The following RET variants were observed in gnomAD, a reference collection of about 807,000 sequenced individuals.
The protein encoded by RET is ret proto-oncogene, also known as proto-oncogene tyrosine-protein kinase receptor Ret.
A neutral mutation model predicts 118.3 loss-of-function variants in RET; 19 were observed. The observed-to-expected ratio is 0.16, with a 90% CI of 0.11 to 0.24. RET has a LOEUF of 0.24. Among genes scored for constraint, RET ranks in the 10% least tolerant of loss-of-function variants. RET has a pLI of 1.00. For missense variants in RET, 1,219 were observed against 1,502.1 expected (o/e 0.81, Z 3.12); for synonymous variants, 597 against 644.1 (o/e 0.93, Z 1.11).
rs2132795636 is a variant in RET at position 43,112,096 on chromosome 10, C to T, written c.1523-3C>T. The T allele has an allele frequency of 6.3e-7, 1 of 1,598,924 alleles. No individual in the cohort carries two copies. The highest frequency in any genetic ancestry group is 1.1e-5 in the South Asian group (1 of 88,312). ...TGTGACCCTGCTTGTCTGCCACCTG[C>T]AGATGTGGCCGAGGAGGCGGGCTGC... On this transcript the variant is annotated splice_polypyrimidine_tract_variant and splice_region_variant and intron_variant, in intron 7 of 19. Transcript: ENST00000355710.
chr10:43,105,027 G>T lies in RET; in HGVS notation c.701G>T (p.Arg234Leu), dbSNP rs756216318. ...CGCTGGGCCCTGGACCGCGAGCAGC[G>T]GGAGAAGTACGAGCTGGTGGCCGTG... ...STRWALDREQ[R>L]EKYELVAVCT... The change falls in exon 4 of 20, where the codon CGG becomes CTG. Residue 234 changes from arginine to leucine, a missense_variant. Physicochemically the swap from Arg to Leu is moderately radical, Grantham distance 102. Transcript: ENST00000355710. 1 of 1,603,448 alleles carries T rather than the reference G, an allele frequency of 6.2e-7. No individual in the cohort carries two copies. The highest frequency in any genetic ancestry group is 8.5e-7 in the Non-Finnish European group (1 of 1,178,656).
intron 16 of RET, 27 bp downstream of exon 16, chr10:43,122,043 G>A (rs2132987620): frequency 6.3e-7 from 1 of 1,592,756 alleles, no homozygotes; most frequent in Non-Finnish European, 8.6e-7. Flanking sequence ...CTCTCTTGGG[G>A]TGGAGGTTAC....
Position 43,106,302 on chromosome 10 carries a change from C to T in RET, c.868-74C>T. The stretch of plus-strand genomic sequence containing the variant: ...TGGGCTGTGTGGGACGTGCAGCATT[C>T]TAAGGTCTCTGGTTTTGGGGGGTCT... On this transcript the variant is annotated intron_variant, in intron 4 of 19. Transcript: ENST00000355710. The surrounding 1 kb of genome is among the most constrained non-coding windows in gnomAD (Gnocchi z 5.1). 1 of 1,442,908 alleles carries T rather than the reference C, an allele frequency of 6.9e-7. No homozygotes were observed. Among genetic ancestry groups the T allele is most frequent in the South Asian group, 1.2e-5 (1 of 85,898 alleles). 89.4% of individuals were successfully genotyped at this position (1,442,908 alleles called of 1,614,324 possible).
At chr10:43,112,321 C>T in intron 8 of RET, 97 bp downstream of exon 8, 8 of 1,515,866 alleles carry the variant, frequency 5.3e-6, no homozygotes, top group South Asian at 3.6e-5. Context: ...GCTCTCCCTG[C>T]TCCAGGTCTG....
chr10:43,090,931 G>A (rs1464111397), intron 1 of RET, among the ~76,000 whole-genome samples: 1 of 151,322 alleles, frequency 6.6e-6, no homozygotes, highest in African/African-American at 2.4e-5. Context: ...GGTCTCATGA[G>A]TGGACAGCAG....
intron 2 of RET, among the ~76,000 whole-genome samples, chr10:43,101,914 A>G (rs868716401): frequency 1.3e-4 from 20 of 152,364 alleles, no homozygotes; most frequent in Admixed American, 6.5e-4. Context: ...TGAAATGGCT[A>G]TGGCGCTTCG....
intron 15 of RET, among the ~76,000 whole-genome samples, chr10:43,121,334 T>G (rs1254177452): frequency 6.6e-6 from 1 of 152,158 alleles, no homozygotes; most frequent in Non-Finnish European, 1.5e-5. Flanking sequence ...AAAAATGGAC[T>G]TGCACCTTCA....
In RET at chr10:43,114,410, C is replaced by T. The variant is rs2132841237; in HGVS notation, c.1880-70C>T. ...CAGGCTGGAGAGCCATGAGGCAGAG[C>T]ATACGCAGCCTGTACCCAGTGGTGC... On this transcript the variant is annotated intron_variant, in intron 10 of 19. Coordinates refer to ENST00000355710, the MANE Select transcript of RET (RefSeq NM_020975.6). The surrounding 1 kb of genome is among the most constrained non-coding windows in gnomAD (Gnocchi z 4.6). 6 of 1,587,180 alleles carry T rather than the reference C, an allele frequency of 3.8e-6. No homozygotes were observed. The South Asian group carries it at 6.7e-5, about 18-fold the overall frequency.
intron 1 of RET, among the ~76,000 whole-genome samples, chr10:43,083,678 T>C (rs1837234123): frequency 6.6e-6 from 1 of 152,148 alleles, no homozygotes; most frequent in Non-Finnish European, 1.5e-5. Flanking sequence ...GCCTACCAGC[T>C]CTCCATCCCT....
At chr10:43,091,885 G>A (rs556553927) in intron 1 of RET, among the ~76,000 whole-genome samples, 73 of 150,208 alleles carry the variant, frequency 4.9e-4, no homozygotes, top group African/African-American at 1.5e-3. Flanking sequence ...GAACCCTTGC[G>A]CACTGCTGGA....
intron 11 of RET, among the ~76,000 whole-genome samples, chr10:43,116,339 G>A (rs565022728): frequency 1.2e-4 from 19 of 152,342 alleles, no homozygotes; most frequent in African/African-American, 4.6e-4. Flanking sequence ...AACCAGAGAG[G>A]GTCGAAGTAC....
chr10:43,109,155 G>T lies in RET; in HGVS notation c.1188G>T (p.Ser396=). The T allele has an allele frequency of 6.2e-7, 1 of 1,613,816 alleles. No homozygotes were observed. ...TCCTCTTGCTCCACTTCAACGTGTC[G>T]GTGCTGCCGGTCAGCCTGCACCTGC... The part of the protein sequence containing the change: ...AGVLLLHFNV[S]VLPVSLHLPS... Residue 396 remains serine, a synonymous_variant, in exon 6 of 20, where the codon TCG becomes TCT. Transcript: ENST00000355710.
chr10:43,092,877 A>T lies in RET; in HGVS notation c.74-7582A>T, dbSNP rs59357659. Among the ~76,000 whole-genome samples, 1,433 of 152,342 alleles carry T rather than the reference A, an allele frequency of 9.4e-3. 22 individuals are homozygous for T. Among genetic ancestry groups the T allele is most frequent in the African/African-American group, 0.032 (1,347 of 41,584 alleles). On this transcript the variant is annotated intron_variant, in intron 1 of 19. Coordinates refer to ENST00000355710, the MANE Select transcript of RET (RefSeq NM_020975.6). ...TCCACACAGCTCTATCCTGCCACTG[A>T]CAGCCTGCCCGTGGCTCCAGTGCCC...
chr10:43,094,900 G>A (rs571853563), intron 1 of RET, among the ~76,000 whole-genome samples: 1 of 152,222 alleles, frequency 6.6e-6, no homozygotes, highest in Non-Finnish European at 1.5e-5. Flanking sequence ...GAATGAGTGT[G>A]TGTGAGAGAA....
intron 15 of RET, 111 bp from the exon 16 acceptor site, chr10:43,121,835 A>T: frequency 1.2e-6 from 1 of 809,832 alleles, no homozygotes; most frequent in Non-Finnish European, 2.2e-6. Flanking sequence ...GAGTGTCTAC[A>T]GCACTCCTCT....
chr10:43,111,965 C>G (rs2132791600), intron 7 of RET, 134 bp from the exon 8 acceptor site: 1 of 1,293,290 alleles, frequency 7.7e-7, no homozygotes, highest in Non-Finnish European at 1.1e-6. Flanking sequence ...CTTTGCTGCC[C>G]TGGGTCTGTC....
At chr10:43,116,105 G>A (rs1838063744) in intron 11 of RET, among the ~76,000 whole-genome samples, 1 of 152,244 alleles carries the variant, frequency 6.6e-6, no homozygotes, top group African/African-American at 2.4e-5. Context: ...GGAGGGCAGG[G>A]TGGTAGTGCC....
intron 3 of RET, 160 bp from the exon 4 acceptor site, chr10:43,104,792 G>C (rs1837720377): frequency 8.9e-7 from 1 of 1,119,436 alleles, no homozygotes; most frequent in East Asian, 2.6e-5. Context: ...CTGCAAACTC[G>C]TGCTCCGAGC....
At chr10:43,126,166 C>T (rs1588880749) in intron 18 of RET, among the ~76,000 whole-genome samples, 1 of 152,224 alleles carries the variant, frequency 6.6e-6, no homozygotes, top group African/African-American at 2.4e-5. Flanking sequence ...CATGTGGCTG[C>T]AGTGGGCTCC....
Sources: gnomAD v4.1 joint callset for allele counts (sites outside exome capture counted in the v4.1 genomes callset) on GRCh38, gnomAD v4.1.1 for gene constraint, Gnocchi (gnomAD v3.1) non-coding constraint, MANE v1.5 for transcripts, NCBI Gene and HGNC (gene_info 2026-07-23, HGNC 2026-07-21) for gene names.